Variants in ELL2 observed in about 807,000 individuals in gnomAD.
The protein encoded by ELL2 is RNA polymerase II elongation factor ELL2.
In ELL2, 21 loss-of-function variants were observed where a neutral mutation model predicts 72.8. That is an observed-to-expected ratio of 0.29 (90% confidence interval 0.20 to 0.42). The LOEUF (loss-of-function observed/expected upper bound fraction) is 0.42. Among genes scored for constraint, ELL2 ranks in the 10% least tolerant of loss-of-function variants. ELL2 has a pLI of 1.00. For synonymous variants in ELL2, 266 were observed against 283.2 expected, an observed-to-expected ratio of 0.94 and a Z score of 0.61; for missense variants, 568 against 772.8, an observed-to-expected ratio of 0.73 and a Z score of 3.14.
At chr5:95,922,270 G>A (rs1177398711) in intron 2 of ELL2, among the ~76,000 whole-genome samples, 1 of 152,198 alleles carries the variant, frequency 6.6e-6, no homozygotes, top group Non-Finnish European at 1.5e-5. Flanking sequence ...CACTGTGCTA[G>A]CCCAGACGGT....
At chr5:95,916,898 A>T (rs1749831189) in intron 3 of ELL2, among the ~76,000 whole-genome samples, 1 of 152,120 alleles carries the variant, frequency 6.6e-6, no homozygotes, top group Non-Finnish European at 1.5e-5. Flanking sequence ...ATCTCTTCCT[A>T]TTATTTACTA....
intron 3 of ELL2, among the ~76,000 whole-genome samples, chr5:95,918,474 C>A (rs916260825): frequency 2.6e-5 from 4 of 152,138 alleles, no homozygotes; most frequent in Non-Finnish European, 4.4e-5. Flanking sequence ...TACGTAGACA[C>A]CTTAAATGGG....
chr5:95,939,286 G>A lies in ELL2; in HGVS notation c.195+3716C>T, dbSNP rs1580526772. ...GGGTTCTGGATGAATCCTACATTAT[G>A]AATTATTTTCTAAGTATTAGTCTGT... On this transcript the variant is annotated intron_variant, in intron 2 of 11. Transcript: ENST00000237853. Among the ~76,000 whole-genome samples the A allele has an allele frequency of 2.0e-5, 3 of 152,272 alleles. No homozygotes were observed. In the South Asian group the frequency reaches 6.2e-4, roughly 32 times the overall value.
At chr5:95,890,989 G>A in intron 10 of ELL2, 114 bp downstream of exon 10, 1 of 1,160,430 alleles carries the variant, frequency 8.6e-7, no homozygotes, top group Non-Finnish European at 1.3e-6. Context: ...CAGCGAGGCT[G>A]GTCTGCAAGA....
chr5:95,958,618 C>T (rs543253897), intron 1 of ELL2, among the ~76,000 whole-genome samples: 1 of 152,198 alleles, frequency 6.6e-6, no homozygotes, highest in Non-Finnish European at 1.5e-5. Flanking sequence ...ACAGTGAGTC[C>T]TGATAGGAGC....
At chr5:95,942,638 C>G (rs1240937523) in intron 2 of ELL2, among the ~76,000 whole-genome samples, 2 of 152,028 alleles carry the variant, frequency 1.3e-5, no homozygotes. Flanking sequence ...ATAGTAAAAG[C>G]AATTACAATC....
At chr5:95,901,754 G>A (rs773801836) in intron 5 of ELL2, among the ~76,000 whole-genome samples, 16 of 152,280 alleles carry the variant, frequency 1.1e-4, no homozygotes, top group South Asian at 8.3e-4. Context: ...CCACTGCTGT[G>A]GTATCTCAGT....
At chr5:95,953,784 G>A (rs958910579) in intron 1 of ELL2, among the ~76,000 whole-genome samples, 1 of 152,156 alleles carries the variant, frequency 6.6e-6, no homozygotes, top group Non-Finnish European at 1.5e-5. Context: ...CTCCTTCAAG[G>A]ACTTTAGGAA....
At chr5:95,927,813 G>C (rs1488610701) in intron 2 of ELL2, among the ~76,000 whole-genome samples, 1 of 99,066 alleles carries the variant, frequency 1.0e-5, no homozygotes, top group Admixed American at 9.5e-5. Flanking sequence ...ACATATGTGT[G>C]TATATAGACA....
At chr5:95,956,446 A>G (rs542726596) in intron 1 of ELL2, among the ~76,000 whole-genome samples, 28 of 152,378 alleles carry the variant, frequency 1.8e-4, no homozygotes, top group African/African-American at 6.5e-4. Context: ...AAGTGGAGCA[A>G]ATAGAATCTG....
chr5:95,905,255 GTA>G (rs1268293376), intron 5 of ELL2, among the ~76,000 whole-genome samples: 5 of 140,118 alleles, frequency 3.6e-5, no homozygotes, highest in Admixed American at 7.1e-5. Context: ...ACACACACAC[GTA>G]TATATATATA....
chr5:95,937,809 A>G (rs1228106296), intron 2 of ELL2, among the ~76,000 whole-genome samples: 2 of 152,230 alleles, frequency 1.3e-5, no homozygotes, highest in Non-Finnish European at 2.9e-5. Context: ...CCGACTGACT[A>G]AACACAACCC....
At chr5:95,931,248 T>C (rs1459077668) in intron 2 of ELL2, among the ~76,000 whole-genome samples, 1 of 151,974 alleles carries the variant, frequency 6.6e-6, no homozygotes, top group African/African-American at 2.4e-5. Context: ...ACTTGTAAAA[T>C]GTAGATAATG....
chr5:95,958,651 G>A (rs914573128), intron 1 of ELL2, among the ~76,000 whole-genome samples: 1 of 152,178 alleles, frequency 6.6e-6, no homozygotes, highest in African/African-American at 2.4e-5. Flanking sequence ...GTCAGCTTAT[G>A]TACCATCCCC....
intron 9 of ELL2, among the ~76,000 whole-genome samples, chr5:95,892,326 T>C (rs1748697575): frequency 6.6e-6 from 1 of 152,160 alleles, no homozygotes; most frequent in Non-Finnish European, 1.5e-5. Flanking sequence ...TTTGTATTTT[T>C]AGTAGAGACA....
At chr5:95,913,128 A>G (rs996593238) in intron 4 of ELL2, among the ~76,000 whole-genome samples, 1 of 152,210 alleles carries the variant, frequency 6.6e-6, no homozygotes, top group Non-Finnish European at 1.5e-5. Context: ...CTTCCCTTCA[A>G]TCTGACAGAC....
At chr5:95,906,986 A>G (rs530632957) in intron 4 of ELL2, among the ~76,000 whole-genome samples, 1 of 152,180 alleles carries the variant, frequency 6.6e-6, no homozygotes, top group Non-Finnish European at 1.5e-5. Flanking sequence ...TTATTTTAAT[A>G]AAATCATTTC....
intron 3 of ELL2, among the ~76,000 whole-genome samples, chr5:95,918,631 C>G (rs573235276): frequency 6.6e-6 from 1 of 152,096 alleles, no homozygotes; most frequent in African/African-American, 2.4e-5. Flanking sequence ...CACAGAGATA[C>G]GCTGGTCTAG....
At chr5:95,912,960 A>G (rs1025548784) in intron 4 of ELL2, among the ~76,000 whole-genome samples, 3 of 152,204 alleles carry the variant, frequency 2.0e-5, no homozygotes, top group African/African-American at 7.2e-5. Flanking sequence ...ATCATTTACT[A>G]TAGAGTGACT....
Sources: gnomAD v4.1 joint callset for allele counts (sites outside exome capture counted in the v4.1 genomes callset) on GRCh38, gnomAD v4.1.1 for gene constraint, MANE v1.5 for transcripts, NCBI Gene and HGNC (gene_info 2026-07-23, HGNC 2026-07-21) for gene names.